The following RAB31 variants were observed in gnomAD, a reference collection of about 807,000 sequenced individuals.
RAB31 encodes the protein RAB31, member RAS oncogene family.
A neutral mutation model predicts 25.6 loss-of-function variants in RAB31; 21 were observed. The observed-to-expected ratio is 0.82, with a 90% CI of 0.58 to 1.18. RAB31 has a LOEUF of 1.18. Among genes scored for constraint, RAB31 ranks in the 50% most tolerant of loss-of-function variants. The pLI is 0.00. For synonymous variants in RAB31, 87 were observed against 84.0 expected (o/e 1.04, Z -0.20); for missense variants, 196 against 250.1 (o/e 0.78, Z 1.46).
intron 1 of RAB31, among the ~76,000 whole-genome samples, chr18:9,723,076 C>T (rs141442633): frequency 5.3e-5 from 8 of 152,020 alleles, no homozygotes; most frequent in Non-Finnish European, 1.5e-5. Context: ...GAGACCAAGT[C>T]TCGTTCTGCC....
At chr18:9,726,829 A>G (rs547906823) in intron 1 of RAB31, among the ~76,000 whole-genome samples, 1 of 152,172 alleles carries the variant, frequency 6.6e-6, no homozygotes, top group African/African-American at 2.4e-5. Context: ...GACTTTCACA[A>G]ATGGAACAGA....
intron 1 of RAB31, among the ~76,000 whole-genome samples, chr18:9,742,509 G>T (rs1361959294): frequency 2.0e-5 from 3 of 152,180 alleles, no homozygotes; most frequent in Admixed American, 2.0e-4. Context: ...CGCTAGGGAC[G>T]TTCTACGTGT....
intron 3 of RAB31, among the ~76,000 whole-genome samples, chr18:9,801,071 G>A (rs2068511782): frequency 6.6e-6 from 1 of 152,176 alleles, no homozygotes; most frequent in Non-Finnish European, 1.5e-5. Flanking sequence ...GTGGTTCTTT[G>A]TGACTGGATC....
chr18:9,804,089 C>T (rs1324374252), intron 3 of RAB31, among the ~76,000 whole-genome samples: 1 of 152,250 alleles, frequency 6.6e-6, no homozygotes, highest in African/African-American at 2.4e-5. Flanking sequence ...AACACAGAGG[C>T]GGCCAGAGGG....
intron 6 of RAB31, among the ~76,000 whole-genome samples, chr18:9,858,823 A>G (rs2068832060): frequency 6.6e-6 from 1 of 152,198 alleles, no homozygotes; most frequent in African/African-American, 2.4e-5. Flanking sequence ...ACTCACTGTT[A>G]CTGTTGAAGT....
At chr18:9,763,349 A>T (rs918520317) in intron 1 of RAB31, among the ~76,000 whole-genome samples, 1 of 152,216 alleles carries the variant, frequency 6.6e-6, no homozygotes, top group Non-Finnish European at 1.5e-5. Flanking sequence ...AAGGAATGAG[A>T]TTATCAGACA....
At chr18:9,752,566 G>A (rs969621661) in intron 1 of RAB31, among the ~76,000 whole-genome samples, 2 of 152,200 alleles carry the variant, frequency 1.3e-5, no homozygotes, top group South Asian at 2.1e-4. Flanking sequence ...CAACCTGGAG[G>A]TCTGAGGGCA....
intron 1 of RAB31, among the ~76,000 whole-genome samples, chr18:9,772,357 G>C (rs2068349620): frequency 6.6e-6 from 1 of 152,176 alleles, no homozygotes; most frequent in Non-Finnish European, 1.5e-5. Flanking sequence ...GGTAAGCCTG[G>C]GTATCAAGGA....
chr18:9,828,664 T>G (rs2068662281), intron 5 of RAB31, among the ~76,000 whole-genome samples: 1 of 152,246 alleles, frequency 6.6e-6, no homozygotes, highest in African/African-American at 2.4e-5. Context: ...TTTCATCTCT[T>G]CCATGTGACT....
intron 1 of RAB31, among the ~76,000 whole-genome samples, chr18:9,714,502 C>T (rs1466216680): frequency 6.6e-6 from 1 of 152,210 alleles, no homozygotes. Flanking sequence ...GGGTCAGTAC[C>T]GCCCCAGGGG....
chr18:9,804,192 A>T (rs984711309), intron 3 of RAB31, among the ~76,000 whole-genome samples: 5 of 151,820 alleles, frequency 3.3e-5, no homozygotes, highest in African/African-American at 1.2e-4. Context: ...GTCACTGGAG[A>T]CCCTGCTGTT....
At chr18:9,827,979 G>C (rs922539164) in intron 5 of RAB31, among the ~76,000 whole-genome samples, 1 of 152,170 alleles carries the variant, frequency 6.6e-6, no homozygotes, top group East Asian at 1.9e-4. Context: ...TTCAGGAAGG[G>C]GAGAGGTCAG....
chr18:9,778,812 A>G (rs146004299), intron 2 of RAB31, among the ~76,000 whole-genome samples: 267 of 152,276 alleles, frequency 1.8e-3, no homozygotes, highest in African/African-American at 6.2e-3. Context: ...ACCTGCTAAT[A>G]CCTGACCATT....
intron 3 of RAB31, among the ~76,000 whole-genome samples, chr18:9,794,271 T>C (rs547743076): frequency 1.3e-5 from 2 of 152,334 alleles, no homozygotes; most frequent in African/African-American, 4.8e-5. Flanking sequence ...TAATTTTCAT[T>C]ATCATCTCCT....
At chr18:9,803,699 AC>A in intron 3 of RAB31, among the ~76,000 whole-genome samples, 1 of 152,214 alleles carries the variant, frequency 6.6e-6, no homozygotes, top group Non-Finnish European at 1.5e-5. Flanking sequence ...TAAGCACTTT[AC>A]AGCTGAAGAG....
intron 5 of RAB31, among the ~76,000 whole-genome samples, chr18:9,821,643 G>T (rs2068625055): frequency 6.6e-6 from 1 of 152,068 alleles, no homozygotes; most frequent in South Asian, 2.1e-4. Context: ...AAATCAATCA[G>T]ATTTCTATAT....
At chr18:9,841,146 G>C (rs1212246820) in intron 5 of RAB31, among the ~76,000 whole-genome samples, 2 of 151,982 alleles carry the variant, frequency 1.3e-5, no homozygotes, top group African/African-American at 4.8e-5. Flanking sequence ...TGCTGATGCT[G>C]GTCATGAACT....
At chr18:9,820,424 T>A (rs2068619111) in intron 5 of RAB31, among the ~76,000 whole-genome samples, 2 of 152,126 alleles carry the variant, frequency 1.3e-5, no homozygotes, top group Non-Finnish European at 2.9e-5. Context: ...TAAGGATTTT[T>A]ATGTCTATAT....
At chr18:9,798,828 G>C (rs1004641883) in intron 3 of RAB31, among the ~76,000 whole-genome samples, 1 of 151,732 alleles carries the variant, frequency 6.6e-6, no homozygotes, top group Non-Finnish European at 1.5e-5. Flanking sequence ...AGTTGCTCAC[G>C]CCTGTAATCC....
Sources: allele counts gnomAD v4.1 joint callset (sites outside exome capture counted in the v4.1 genomes callset), GRCh38; gene constraint gnomAD v4.1.1; transcripts MANE v1.5; gene names NCBI Gene and HGNC (gene_info 2026-07-23, HGNC 2026-07-21).